Variants in SLC1A6 observed in about 807,000 individuals in gnomAD.
The protein encoded by SLC1A6 is solute carrier family 1 member 6, also known as excitatory amino acid transporter 4.
Under a neutral mutation model 42.1 loss-of-function variants are expected in SLC1A6, and 15 were observed. The ratio of observed to expected loss-of-function variants is 0.36; its 90% confidence interval spans 0.24 to 0.55. The LOEUF is 0.55. SLC1A6 is among the 20% of genes least tolerant of loss of function. The probability of loss-of-function intolerance (pLI) is 0.88; values close to 1 mark genes in which losing one functional copy is unlikely to be tolerated. For synonymous variants in SLC1A6, 317 were observed against 319.7 expected, an observed-to-expected ratio of 0.99 and a Z score of 0.09; for missense variants, 542 against 772.5, an observed-to-expected ratio of 0.70 and a Z score of 3.54.
chr19:14,971,798 C>G lies in SLC1A6; in HGVS notation c.282G>C (p.Glu94Asp), dbSNP rs142367277. The stretch of plus-strand genomic sequence containing the variant: ...GCATCTGCAGCATCCTCATCAGAAG[C>G]TCTCCAGGAAAAGAGAAGTACTTGA... Reference protein sequence around the residue: ...RQIKYFSFPGELLMRMLQMLV... With the variant: ...RQIKYFSFPGDLLMRMLQMLV... Residue 94 changes from glutamate to aspartate, a missense_variant, in exon 3 of 10, where the codon GAG becomes GAC. This residue lies in a region of SLC1A6 where 4 missense variants were observed against 25.0 expected (regional missense o/e 0.16). Coordinates refer to ENST00000594383, the MANE Select transcript of SLC1A6 (RefSeq NM_005071.3). The G allele has an allele frequency of 6.2e-7, 1 of 1,614,062 alleles. No individual in the cohort carries two copies. The highest frequency in any genetic ancestry group is 1.3e-5 in the African/African-American group (1 of 74,920).
At chr19:15,008,045 C>A (rs2045905045) in intron 1 of SLC1A6, among the ~76,000 whole-genome samples, 1 of 145,796 alleles carries the variant, frequency 6.9e-6, no homozygotes, top group South Asian at 2.3e-4. Flanking sequence ...AAAAAACCAA[C>A]CACACACACA....
chr19:14,991,478 C>G (rs772714486), intron 1 of SLC1A6, among the ~76,000 whole-genome samples: 2 of 151,986 alleles, frequency 1.3e-5, no homozygotes, highest in Non-Finnish European at 2.9e-5. Context: ...CAAAAATTAG[C>G]TGGGTGTGGT....
At chr19:14,991,003 A>G (rs1012049944) in intron 1 of SLC1A6, among the ~76,000 whole-genome samples, 1 of 152,232 alleles carries the variant, frequency 6.6e-6, no homozygotes, top group East Asian at 1.9e-4. Context: ...CATGCTGTAC[A>G]CAACAAATAC....
intron 4 of SLC1A6, among the ~76,000 whole-genome samples, chr19:14,964,562 G>A (rs146660542): frequency 2.6e-5 from 4 of 152,162 alleles, no homozygotes; most frequent in Non-Finnish European, 4.4e-5. Flanking sequence ...ATTGAATGCC[G>A]CCTTTCACAT....
intron 1 of SLC1A6, among the ~76,000 whole-genome samples, chr19:15,001,165 C>A (rs1394838172): frequency 1.2e-5 from 1 of 81,208 alleles, no homozygotes. Flanking sequence ...AGTTTGTTCC[C>A]AAACTGGGCT....
intron 6 of SLC1A6, 130 bp from the exon 7 acceptor site, chr19:14,956,839 C>T (rs1432079991): frequency 9.9e-6 from 6 of 605,844 alleles, no homozygotes; most frequent in African/African-American, 1.9e-5. Flanking sequence ...CGGCACCCTA[C>T]TCCATCCCAG....
chr19:14,988,891 C>T (rs1354356215), intron 1 of SLC1A6, among the ~76,000 whole-genome samples: 2 of 152,136 alleles, frequency 1.3e-5, no homozygotes, highest in African/African-American at 2.4e-5. Flanking sequence ...TGGTGGTGCA[C>T]ACCTGTAGTC....
rs2045598092 is a variant in SLC1A6, at chr19:14,968,383, C to T, written c.468G>A (p.Gly156=). ...GILMVTIIHP[G]KGSKEGLHRE... ...GGTGCAGCCCCTCCTTGGAGCCCTT[C>T]CCGGGATGGATGATGGTGACCATGA... Residue 156 remains glycine (G), a synonymous_variant, in exon 4 of 10, where the codon GGG becomes GGA. Coordinates refer to ENST00000594383, the MANE Select transcript of SLC1A6 (RefSeq NM_005071.3). 6.2e-7 allele frequency: 1 copy of T among 1,613,830 alleles called. No homozygotes were observed. The highest frequency in any genetic ancestry group is 1.1e-5 in the South Asian group (1 of 90,956).
chr19:14,991,266 G>A (rs13343868), intron 1 of SLC1A6, among the ~76,000 whole-genome samples: 25,614 of 151,986 alleles, frequency 0.17, 2,397 homozygotes, highest in Middle Eastern at 0.25. Flanking sequence ...CTTTTGGGGC[G>A]ATTGAAATGT....
chr19:14,961,219 G>C (rs1170287673), intron 6 of SLC1A6: 1 of 152,058 alleles, frequency 6.6e-6, no homozygotes, highest in Non-Finnish European at 1.5e-5. Flanking sequence ...GATCTTAAGT[G>C]TTCTCACCAC....
upstream of SLC1A6, among the ~76,000 whole-genome samples, chr19:14,981,131 T>A (rs539605999): frequency 9.5e-5 from 14 of 147,008 alleles, no homozygotes; most frequent in East Asian, 7.9e-4. Context: ...TGTCTCTATT[T>A]AAAAAAAAAA....
intron 1 of SLC1A6, among the ~76,000 whole-genome samples, chr19:15,003,979 A>T (rs938887862): frequency 6.6e-6 from 1 of 152,072 alleles, no homozygotes; most frequent in African/African-American, 2.4e-5. Context: ...AACATGGAGA[A>T]ACCCCATCTC....
chr19:14,998,924 C>A (rs1475264171), intron 1 of SLC1A6, among the ~76,000 whole-genome samples: 2 of 151,792 alleles, frequency 1.3e-5, no homozygotes, highest in Admixed American at 6.6e-5. Context: ...GTCACCCAGG[C>A]TGGAGTGCAG....
At chr19:14,960,470 T>C (rs10415537) in intron 6 of SLC1A6, among the ~76,000 whole-genome samples, 28,117 of 152,024 alleles carry the variant, frequency 0.18, 2,903 homozygotes, top group African/African-American at 0.28. Context: ...AATGAACCGA[T>C]AGAAAAATGA....
intron 3 of SLC1A6, among the ~76,000 whole-genome samples, chr19:14,969,809 C>T (rs2145197729): frequency 6.6e-6 from 1 of 152,298 alleles, no homozygotes; most frequent in East Asian, 1.9e-4. Context: ...TTTATTGGAA[C>T]ACAACCATGC....
chr19:14,951,660 G>A lies in SLC1A6; in HGVS notation c.1499+1268C>T, dbSNP rs544574767. ...GCCTCCTGAGTAGCTGAGATTATAG[G>A]CGCCCACCACTAGGCCCGGCTAATT... On this transcript the variant is annotated intron_variant, in intron 9 of 9. Coordinates refer to ENST00000594383, the MANE Select transcript of SLC1A6 (RefSeq NM_005071.3). 2.6e-5 allele frequency among the ~76,000 whole-genome samples: 4 copies of A among 152,102 alleles called. No homozygotes were observed. The South Asian group carries it at 8.3e-4, about 32-fold the overall frequency.
At chr19:14,970,270 T>C (rs537540185) in intron 3 of SLC1A6, among the ~76,000 whole-genome samples, 1 of 152,142 alleles carries the variant, frequency 6.6e-6, no homozygotes, top group African/African-American at 2.4e-5. Flanking sequence ...GGAGTCTCAC[T>C]GTGTTGCCCA....
chr19:14,967,476 G>A (rs62113274), intron 4 of SLC1A6, among the ~76,000 whole-genome samples: 13 of 151,954 alleles, frequency 8.6e-5, no homozygotes, highest in South Asian at 2.1e-4. Flanking sequence ...GGTCAGACAC[G>A]CCTCCTTACA....
upstream of SLC1A6, chr19:15,010,622 C>G (rs556112786): frequency 3.4e-5 from 22 of 641,662 alleles, no homozygotes; most frequent in African/African-American, 3.6e-4. Flanking sequence ...GATGCCAGTG[C>G]ACTTAGGCCA....
Sources: allele counts gnomAD v4.1 joint callset (sites outside exome capture counted in the v4.1 genomes callset), GRCh38; gene constraint gnomAD v4.1.1; regional missense constraint gnomAD v4.1.1; transcripts MANE v1.5; gene names NCBI Gene and HGNC (gene_info 2026-07-23, HGNC 2026-07-21).